NLRP11: variants seen among roughly 807,000 people sequenced by gnomAD.
NLRP11 encodes the protein NACHT, LRR and PYD domains-containing protein 11.
A neutral mutation model predicts 79.3 loss-of-function variants in NLRP11; 53 were observed. The observed-to-expected ratio is 0.67, with a 90% CI of 0.54 to 0.84. NLRP11 has a LOEUF of 0.84. Ranked by LOEUF, NLRP11 falls within the 40% of genes least tolerant of loss-of-function variation. The probability of loss-of-function intolerance (pLI) is 0.00; values close to 1 mark genes in which losing one functional copy is unlikely to be tolerated. For missense variants in NLRP11, 1,264 were observed against 1,255.0 expected (o/e 1.01, Z -0.11); for synonymous variants, 518 against 462.6 (o/e 1.12, Z -1.54).
At chr19:55,794,539 T>C (rs1170866338) in intron 6 of NLRP11, among the ~76,000 whole-genome samples, 1 of 152,118 alleles carries the variant, frequency 6.6e-6, no homozygotes, top group Non-Finnish European at 1.5e-5. Context: ...AGTGGGTGGA[T>C]CACGAGGTCA....
intron 7 of NLRP11, among the ~76,000 whole-genome samples, chr19:55,790,879 G>A (rs1409775874): frequency 6.6e-6 from 1 of 152,150 alleles, no homozygotes; most frequent in Non-Finnish European, 1.5e-5. Context: ...CAATAATGTG[G>A]GCTTCCATGT....
At chr19:55,832,622 C>T (rs1982905084), upstream of NLRP11, among the ~76,000 whole-genome samples, 1 of 152,132 alleles carries the variant, frequency 6.6e-6, no homozygotes, top group South Asian at 2.1e-4. Context: ...GATAGAGCTC[C>T]TCATATTGAA....
exon 9 of NLRP11, chr19:55,788,957 G>C (rs774810444): frequency 6.2e-7 from 1 of 1,613,892 alleles, no homozygotes; most frequent in Non-Finnish European, 8.5e-7. Flanking sequence ...GCAGGCACTG[G>C]TTAACATGCA....
intron 1 of NLRP11, among the ~76,000 whole-genome samples, chr19:55,819,418 A>T (rs1236565874): frequency 1.3e-5 from 2 of 152,192 alleles, no homozygotes; most frequent in African/African-American, 4.8e-5. Flanking sequence ...CACACCTGTC[A>T]GTTTCAATGT....
exon 9 of NLRP11, chr19:55,788,950 G>A: frequency 6.2e-7 from 1 of 1,613,892 alleles, no homozygotes. Context: ...ATCGACAGCA[G>A]GCACTGGTTA....
At chr19:55,823,274 A>G (rs1981993476) in intron 1 of NLRP11, among the ~76,000 whole-genome samples, 3 of 137,016 alleles carry the variant, frequency 2.2e-5, no homozygotes, top group South Asian at 4.5e-4. Flanking sequence ...CATCACCATC[A>G]TCAAAGACCA....
chr19:55,809,336 G>A lies in NLRP11; in HGVS notation c.1274C>T (p.Ala425Val), dbSNP rs769697775. ...CGCGGCCTGCAACACAGAGACATCA[G>A]CCTCAGTAAACCCAACACATCTGAG... is the stretch of plus-strand genomic sequence containing the variant. Residue 425 changes from alanine (A) to valine (V), a missense_variant, in exon 3 of 10, where the codon GCT becomes GTT. By Grantham distance (64) the Ala-to-Val change is moderately conservative. Transcript: ENST00000589093. This position sits in a 1 kb window ranked among gnomAD's most constrained non-coding sequence, Gnocchi z 4.5. 1.9e-6 allele frequency: 3 copies of A among 1,613,988 alleles called. No individual in the cohort carries two copies. The highest frequency in any genetic ancestry group is 2.7e-5 in the African/African-American group (2 of 74,922).
In NLRP11 at chr19:55,809,533, G is replaced by A. The variant is rs1980371837; in HGVS notation, c.1077C>T (p.Phe359=). The change falls in exon 3 of 10, where the codon TTC becomes TTT. Residue 359 remains phenylalanine (F), a synonymous_variant. Coordinates refer to ENST00000589093, the Ensembl canonical transcript of NLRP11. The surrounding 1 kb of genome is among the most constrained non-coding windows in gnomAD (Gnocchi z 4.5). ...CAGTGGGTGTTTGGCAGCAGAGCTG[G>A]AAGTCACGCCCCTTGTCCATCTGCC... 1.2e-6 allele frequency: 2 copies of A among 1,614,204 alleles called. No individual in the cohort carries two copies. Among genetic ancestry groups the A allele is most frequent in the East Asian group, 4.5e-5 (2 of 44,888 alleles).
At chr19:55,799,204 T>A (rs1296749309) in intron 5 of NLRP11, among the ~76,000 whole-genome samples, 1 of 151,732 alleles carries the variant, frequency 6.6e-6, no homozygotes, top group Non-Finnish European at 1.5e-5. Flanking sequence ...GAGGCAGAGG[T>A]TGAAGTGAGC....
At position 55,808,851 on chromosome 19, in the gene NLRP11, A is replaced by G; in HGVS notation, c.1759T>C (p.Tyr587His). 3 of 1,613,994 alleles carry G rather than the reference A, an allele frequency of 1.9e-6. No homozygotes were observed. The South Asian group carries it at 3.3e-5, about 18-fold the overall frequency. ...TTAAGTGTCCTCAGGTGACAGCAGT[A>G]ATCCAGACAGTATAATGAGACCATC... The change falls in exon 3 of 10, where the codon TAC becomes CAC. Residue 587 changes from tyrosine (Y) to histidine (H), a missense_variant. Tyr to His is a moderately conservative substitution (Grantham distance 83). Transcript: ENST00000589093.
rs1321385071 is a variant in NLRP11 at position 55,809,739 on chromosome 19, C to A, written c.871G>T (p.Glu291Ter). The A allele has an allele frequency of 6.2e-7, 1 of 1,614,082 alleles. No individual in the cohort carries two copies. The highest frequency in any genetic ancestry group is 1.3e-5 in the African/African-American group (1 of 74,944). Residue 291 changes from glutamate to a stop codon, truncating the protein, a stop_gained, in exon 3 of 10, where the codon GAG becomes TAG. Transcript: ENST00000589093. LOFTEE classifies it high-confidence loss of function. This position sits in a 1 kb window ranked among gnomAD's most constrained non-coding sequence, Gnocchi z 4.5. ...TGCAAGGTCGTGCAGCAATCTACCT[C>A]TTTCAAGAACGTTTTTACATTATTC...
rs955035304 is a variant in NLRP11 at position 55,803,295 on chromosome 19, C to T, written c.2004-1556G>A. 3.3e-5 allele frequency among the ~76,000 whole-genome samples: 5 copies of T among 151,950 alleles called. No homozygotes were observed. The South Asian group carries it at 8.3e-4, about 25-fold the overall frequency. Reference sequence around the variant, plus strand: ...CTGGGAGGCGGAGGTTGCAGTGAGCCGAGATCATGCCACTGTACTGGGGAA... The same window carrying T: ...CTGGGAGGCGGAGGTTGCAGTGAGCTGAGATCATGCCACTGTACTGGGGAA... On this transcript the variant is annotated intron_variant, in intron 4 of 9. Transcript: ENST00000589093.
At chr19:55,786,330 C>G (rs1989876725) in intron 9 of NLRP11, among the ~76,000 whole-genome samples, 1 of 152,032 alleles carries the variant, frequency 6.6e-6, no homozygotes, top group South Asian at 2.1e-4. Context: ...TTGAGACCAG[C>G]CTGGACAACA....
chr19:55,800,492 G>C (rs1444512790), intron 5 of NLRP11, among the ~76,000 whole-genome samples: 1 of 152,052 alleles, frequency 6.6e-6, no homozygotes, highest in African/African-American at 2.4e-5. Flanking sequence ...ATTTTTAGTA[G>C]AGGTAGAGTT....
chr19:55,832,336 G>T (rs984258411), upstream of NLRP11, among the ~76,000 whole-genome samples: 1 of 152,210 alleles, frequency 6.6e-6, no homozygotes, highest in African/African-American at 2.4e-5. Context: ...TATACAGTAA[G>T]CTCCATGAGG....
intron 9 of NLRP11, among the ~76,000 whole-genome samples, chr19:55,788,537 G>A (rs531961960): frequency 2.0e-5 from 3 of 151,610 alleles, no homozygotes; most frequent in African/African-American, 4.8e-5. Context: ...TCAGGAGATT[G>A]AGACCACCCT....
intron 8 of NLRP11, 63 bp from the exon 9 acceptor site, chr19:55,789,040 G>T (rs974456824): frequency 1.9e-6 from 3 of 1,572,494 alleles, no homozygotes; most frequent in African/African-American, 1.4e-5. Context: ...CAGATGAGAT[G>T]GGTGAGAACT....
chr19:55,823,172 G>T (rs1018033727), intron 1 of NLRP11, among the ~76,000 whole-genome samples: 1 of 146,082 alleles, frequency 6.8e-6, no homozygotes, highest in Non-Finnish European at 1.5e-5. Context: ...TCACACGGCA[G>T]GGTATTCCAA....
At chr19:55,818,782 G>T (rs1044128476) in intron 1 of NLRP11, among the ~76,000 whole-genome samples, 1 of 152,094 alleles carries the variant, frequency 6.6e-6, no homozygotes, top group Non-Finnish European at 1.5e-5. Context: ...CTGCTGAAAA[G>T]AAATCTAAGT....
Sources: gnomAD v4.1 joint callset for allele counts (sites outside exome capture counted in the v4.1 genomes callset) on GRCh38, gnomAD v4.1.1 for gene constraint, Gnocchi (gnomAD v3.1) non-coding constraint, MANE v1.5 for transcripts, NCBI Gene and HGNC (gene_info 2026-07-23, HGNC 2026-07-21) for gene names.